The following ALPK1 variants were observed in gnomAD, a reference collection of about 807,000 sequenced individuals.
ALPK1 encodes alpha kinase 1, also known as alpha-protein kinase 1.
ALPK1 carries 110 observed loss-of-function variants against 120.6 expected under a neutral mutation model. That is an observed-to-expected ratio of 0.91 (90% confidence interval 0.78 to 1.07). The LOEUF is 1.07. ALPK1 is among the 50% of genes least tolerant of loss of function. The pLI is 0.00. For missense variants in ALPK1, 1,498 were observed against 1,483.9 expected, an observed-to-expected ratio of 1.01 and a Z score of -0.16; for synonymous variants, 582 against 560.3, an observed-to-expected ratio of 1.04 and a Z score of -0.55.
chr4:112,403,954 C>T (rs1298027236), intron 4 of ALPK1, among the ~76,000 whole-genome samples: 2 of 152,236 alleles, frequency 1.3e-5, no homozygotes, highest in African/African-American at 4.8e-5. Context: ...CATCAGTTTA[C>T]AGGTGCTTGG....
At chr4:112,385,138 C>G (rs1732096592) in intron 4 of ALPK1, among the ~76,000 whole-genome samples, 1 of 152,156 alleles carries the variant, frequency 6.6e-6, no homozygotes, top group Admixed American at 6.5e-5. Context: ...TCACCAGATC[C>G]CCTGAGCCCT....
intron 2 of ALPK1, chr4:112,359,853 G>T: frequency 3.0e-6 from 1 of 331,144 alleles, no homozygotes. Context: ...GCCCAGCGTG[G>T]CTTGATCACC....
At position 112,430,861 on chromosome 4, in the gene ALPK1, G is replaced by C; in HGVS notation, c.1314G>C (p.Glu438Asp). 3 of 1,614,112 alleles carry C rather than the reference G, an allele frequency of 1.9e-6. No homozygotes were observed. The highest frequency in any genetic ancestry group is 2.5e-6 in the Non-Finnish European group (3 of 1,179,952). Residue 438 changes from glutamate (E) to aspartate (D), a missense_variant, in exon 11 of 16, where the codon GAG (glutamate) becomes GAC (aspartate). Coordinates refer to ENST00000650871, the MANE Select transcript of ALPK1 (RefSeq NM_025144.4). ...GATCTTATGTTCCCGAGAGTTTCGAGTGCAGGTTGGATAAACTTATCTTGC... is the reference window on the plus strand; with the variant it reads ...GATCTTATGTTCCCGAGAGTTTCGACTGCAGGTTGGATAAACTTATCTTGC... ...DDRSYVPESFECRLDKLILHG... is the reference protein window; with the variant it reads ...DDRSYVPESFDCRLDKLILHG...
chr4:112,368,695 G>T lies in ALPK1; in HGVS notation c.-100-8983G>T, dbSNP rs1215133008. ...AGCTAGAGGTGTTATGGACTTTGTG[G>T]CTTCAAATTCTCAAGGGAAAAATTT... On this transcript the variant is annotated intron_variant, in intron 2 of 15. Coordinates refer to ENST00000650871, the MANE Select transcript of ALPK1 (RefSeq NM_025144.4). Among the ~76,000 whole-genome samples the T allele has an allele frequency of 3.9e-5, 6 of 152,212 alleles. No individual in the cohort carries two copies. The East Asian group carries it at 1.2e-3, about 29-fold the overall frequency.
chr4:112,390,107 C>T (rs1732338885), intron 4 of ALPK1, among the ~76,000 whole-genome samples: 1 of 152,176 alleles, frequency 6.6e-6, no homozygotes, highest in Non-Finnish European at 1.5e-5. Context: ...CCCTAGTATG[C>T]CTAGGAATGC....
intron 4 of ALPK1, among the ~76,000 whole-genome samples, chr4:112,385,507 A>G (rs1732114971): frequency 6.6e-6 from 1 of 152,176 alleles, no homozygotes; most frequent in South Asian, 2.1e-4. Context: ...TAGCTTGCCC[A>G]GCAAGCTATA....
intron 2 of ALPK1, among the ~76,000 whole-genome samples, chr4:112,339,706 G>A (rs555052246): frequency 6.6e-6 from 1 of 152,148 alleles, no homozygotes; most frequent in South Asian, 2.1e-4. Context: ...CAGCTCAGTT[G>A]GATATAGTCA....
chr4:112,316,522 A>G (rs1009724196), intron 2 of ALPK1, among the ~76,000 whole-genome samples: 1 of 152,192 alleles, frequency 6.6e-6, no homozygotes, highest in Non-Finnish European at 1.5e-5. Context: ...GGGTGTATGT[A>G]GAAGTAGAAT....
At chr4:112,412,327 A>G (rs1333482416) in intron 5 of ALPK1, 2 of 556,196 alleles carry the variant, frequency 3.6e-6, no homozygotes, top group Admixed American at 2.2e-5. Flanking sequence ...AAACAGGGGT[A>G]TCTGAATTGC....
At chr4:112,314,580 T>C (rs1374940699) in intron 1 of ALPK1, among the ~76,000 whole-genome samples, 2 of 152,162 alleles carry the variant, frequency 1.3e-5, no homozygotes, top group Non-Finnish European at 2.9e-5. Context: ...CACATGATTA[T>C]TGAAATATCG....
intron 4 of ALPK1, among the ~76,000 whole-genome samples, chr4:112,392,964 G>C (rs898951620): frequency 6.6e-6 from 1 of 152,204 alleles, no homozygotes; most frequent in African/African-American, 2.4e-5. Context: ...AAGCAAAGAA[G>C]GTTTATTCTG....
intron 2 of ALPK1, among the ~76,000 whole-genome samples, chr4:112,369,634 G>A (rs1731313967): frequency 6.6e-6 from 1 of 152,112 alleles, no homozygotes; most frequent in African/African-American, 2.4e-5. Context: ...AGTGAGCCGA[G>A]ATTGCACCAC....
intron 5 of ALPK1, among the ~76,000 whole-genome samples, chr4:112,421,319 T>A (rs1733981642): frequency 6.6e-6 from 1 of 152,188 alleles, no homozygotes; most frequent in African/African-American, 2.4e-5. Context: ...TATCTTTGAA[T>A]GCTACTTTGG....
chr4:112,434,444 G>A, intron 11 of ALPK1, among the ~76,000 whole-genome samples: 1 of 152,188 alleles, frequency 6.6e-6, no homozygotes, highest in East Asian at 1.9e-4. Context: ...CTAGACAAAA[G>A]TCTTTGTTCA....
At chr4:112,316,067 G>A (rs1728622103) in intron 2 of ALPK1, 1 of 152,116 alleles carries the variant, frequency 6.6e-6, no homozygotes. Context: ...CCATCTGAAC[G>A]ATTTTAAGTG....
intron 4 of ALPK1, among the ~76,000 whole-genome samples, chr4:112,396,279 A>G (rs891980748): frequency 5.9e-5 from 9 of 152,300 alleles, no homozygotes; most frequent in Admixed American, 6.5e-5. Flanking sequence ...TCTAAGCTCC[A>G]TATTTGGCCA....
intron 2 of ALPK1, among the ~76,000 whole-genome samples, chr4:112,366,961 G>A (rs182368147): frequency 5.8e-4 from 88 of 152,222 alleles, no homozygotes; most frequent in African/African-American, 1.5e-3. Flanking sequence ...AAAACCAAAC[G>A]TCGTATGTTC....
At chr4:112,396,133 C>T (rs1282156485) in intron 4 of ALPK1, among the ~76,000 whole-genome samples, 1 of 152,112 alleles carries the variant, frequency 6.6e-6, no homozygotes, top group African/African-American at 2.4e-5. Context: ...AGTACCTAAA[C>T]CACAATGAAG....
chr4:112,396,207 G>A (rs1732644436), intron 4 of ALPK1, among the ~76,000 whole-genome samples: 1 of 152,092 alleles, frequency 6.6e-6, no homozygotes, highest in African/African-American at 2.4e-5. Flanking sequence ...ATAGCATACT[G>A]TTGTCAGCCA....
Sources: gnomAD v4.1 joint callset for allele counts (sites outside exome capture counted in the v4.1 genomes callset) on GRCh38, gnomAD v4.1.1 for gene constraint, MANE v1.5 for transcripts, NCBI Gene and HGNC (gene_info 2026-07-23, HGNC 2026-07-21) for gene names.